MYO3B: variants seen among roughly 807,000 people sequenced by gnomAD.
MYO3B encodes the protein myosin IIIB.
A neutral mutation model predicts 174.6 loss-of-function variants in MYO3B; 156 were observed. That is an observed-to-expected ratio of 0.89 (90% CI 0.78 to 1.02). The LOEUF (loss-of-function observed/expected upper bound fraction) is 1.02, where lower values mean the gene tolerates loss of function less well. Among genes scored for constraint, MYO3B ranks in the 50% least tolerant of loss-of-function variants. The pLI is 0.00. For missense variants in MYO3B, 1,632 were observed against 1,639.4 expected (o/e 1.00, Z 0.08); for synonymous variants, 563 against 569.1 (o/e 0.99, Z 0.15).
At chr2:170,225,626 T>C (rs951127909) in intron 6 of MYO3B, among the ~76,000 whole-genome samples, 1 of 152,216 alleles carries the variant, frequency 6.6e-6, no homozygotes, top group African/African-American at 2.4e-5. Flanking sequence ...AAAATGATTG[T>C]GGTTCAGTTA....
intron 24 of MYO3B, among the ~76,000 whole-genome samples, chr2:170,463,908 G>A (rs1359373343): frequency 6.6e-6 from 1 of 152,022 alleles, no homozygotes; most frequent in Non-Finnish European, 1.5e-5. Context: ...TAAAAACATG[G>A]TCTCTAGAAG....
intron 30 of MYO3B, among the ~76,000 whole-genome samples, chr2:170,526,296 G>C (rs1559084551): frequency 6.6e-6 from 1 of 152,154 alleles, no homozygotes; most frequent in Non-Finnish European, 1.5e-5. Flanking sequence ...TACTCAATAA[G>C]AGATTATGGC....
chr2:170,459,762 G>A (rs2105948288), intron 23 of MYO3B, among the ~76,000 whole-genome samples: 1 of 152,294 alleles, frequency 6.6e-6, no homozygotes, highest in Admixed American at 6.5e-5. Context: ...GCGGGCTGCG[G>A]GTCCTGAGCC....
chr2:170,200,359 G>T (rs1027009522), intron 3 of MYO3B, 75 bp downstream of exon 3: 5 of 1,516,686 alleles, frequency 3.3e-6, no homozygotes, highest in Non-Finnish European at 4.4e-6. Context: ...TTACCTAGAG[G>T]GTGTTTTAAG....
chr2:170,558,957 G>A lies in MYO3B; in HGVS notation c.3733+14969G>A, dbSNP rs539703449. Among the ~76,000 whole-genome samples the A allele has an allele frequency of 3.9e-5, 6 of 152,300 alleles. No homozygotes were observed. The South Asian group carries it at 8.3e-4, about 21-fold the overall frequency. ...AGGTGCTTAACACACTACTTCACAT[G>A]TAGTAAGCACTCAACAAAAATTTGG... On this transcript the variant is annotated intron_variant, in intron 32 of 34. Transcript: ENST00000408978.
At chr2:170,554,318 C>T (rs1263966129) in intron 32 of MYO3B, among the ~76,000 whole-genome samples, 3 of 152,182 alleles carry the variant, frequency 2.0e-5, no homozygotes, top group African/African-American at 7.2e-5. Flanking sequence ...TGCCCCATTT[C>T]CCTTGAAAGA....
intron 7 of MYO3B, among the ~76,000 whole-genome samples, chr2:170,260,201 A>G (rs1240845295): frequency 6.6e-6 from 1 of 152,232 alleles, no homozygotes; most frequent in African/African-American, 2.4e-5. Context: ...CAACCCAGCA[A>G]TCCCATTACT....
chr2:170,189,476 G>T (rs542792816), intron 1 of MYO3B, among the ~76,000 whole-genome samples: 1 of 151,664 alleles, frequency 6.6e-6, no homozygotes, highest in African/African-American at 2.4e-5. Flanking sequence ...CCCTTTTGAG[G>T]CTACTTTCTA....
chr2:170,574,086 C>G (rs1692634811), intron 32 of MYO3B, among the ~76,000 whole-genome samples: 1 of 152,164 alleles, frequency 6.6e-6, no homozygotes, highest in East Asian at 1.9e-4. Context: ...CACACTGCTT[C>G]AGAACCCTGA....
chr2:170,451,557 T>C (rs1683594113), intron 23 of MYO3B, among the ~76,000 whole-genome samples: 1 of 152,268 alleles, frequency 6.6e-6, no homozygotes, highest in Non-Finnish European at 1.5e-5. Flanking sequence ...ATTGTCTTTA[T>C]TTCCGAAAGA....
chr2:170,503,413 T>C lies in MYO3B; in HGVS notation c.3370+1548T>C, dbSNP rs184562228. Among the ~76,000 whole-genome samples, 18 of 152,170 alleles carry C rather than the reference T, an allele frequency of 1.2e-4. No homozygotes were observed. In the East Asian group the frequency reaches 3.1e-3, roughly 26 times the overall value. On this transcript the variant is annotated intron_variant, in intron 28 of 34. Coordinates refer to ENST00000408978, the MANE Select transcript of MYO3B (RefSeq NM_138995.5). Reference sequence around the variant, plus strand: ...GGGTAGCTACCATGGAAGGATAATGTTGCTCAGCGAAACTTTAAAAAGCAT... The same window carrying C: ...GGGTAGCTACCATGGAAGGATAATGCTGCTCAGCGAAACTTTAAAAAGCAT...
chr2:170,509,809 C>T (rs1269168998), intron 28 of MYO3B, among the ~76,000 whole-genome samples: 1 of 152,066 alleles, frequency 6.6e-6, no homozygotes, highest in Non-Finnish European at 1.5e-5. Flanking sequence ...AGATTTGTTG[C>T]CTTCTGGTGT....
At chr2:170,507,110 G>C (rs1687662918) in intron 28 of MYO3B, among the ~76,000 whole-genome samples, 2 of 152,238 alleles carry the variant, frequency 1.3e-5, no homozygotes, top group South Asian at 4.1e-4. Flanking sequence ...CCGTAGGGCA[G>C]GAGGCAGCTG....
intron 7 of MYO3B, among the ~76,000 whole-genome samples, chr2:170,306,441 T>C (rs1331284843): frequency 6.6e-6 from 1 of 152,196 alleles, no homozygotes; most frequent in African/African-American, 2.4e-5. Flanking sequence ...GACCATGCGA[T>C]GACTTTATTG....
chr2:170,605,826 C>T (rs1397388235), intron 32 of MYO3B, among the ~76,000 whole-genome samples: 1 of 152,064 alleles, frequency 6.6e-6, no homozygotes, highest in Non-Finnish European at 1.5e-5. Context: ...TGCTACTGCA[C>T]TCTAGCCTGG....
intron 16 of MYO3B, among the ~76,000 whole-genome samples, chr2:170,399,760 G>A (rs749847838): frequency 1.3e-5 from 2 of 152,172 alleles, no homozygotes. Flanking sequence ...AGGGTAAAAG[G>A]CTGAAAGTGG....
chr2:170,273,665 C>A (rs2093441384), intron 7 of MYO3B, among the ~76,000 whole-genome samples: 1 of 152,146 alleles, frequency 6.6e-6, no homozygotes, highest in South Asian at 2.1e-4. Flanking sequence ...CTGCCACTAT[C>A]TACATGGTGA....
chr2:170,588,158 T>C (rs113582980), intron 32 of MYO3B, among the ~76,000 whole-genome samples: 1,557 of 152,096 alleles, frequency 0.01, 25 homozygotes, highest in African/African-American at 0.036. Context: ...CAAGACAGGC[T>C]TGGTGACTCA....
intron 32 of MYO3B, among the ~76,000 whole-genome samples, chr2:170,581,095 A>G (rs1693118249): frequency 6.6e-6 from 1 of 152,176 alleles, no homozygotes; most frequent in Admixed American, 6.5e-5. Context: ...GAATATTGCC[A>G]ACTTGCTCTC....
Sources: gnomAD v4.1 joint callset for allele counts (sites outside exome capture counted in the v4.1 genomes callset) on GRCh38, gnomAD v4.1.1 for gene constraint, MANE v1.5 for transcripts, NCBI Gene and HGNC (gene_info 2026-07-23, HGNC 2026-07-21) for gene names.